Variants in ANO2 observed in about 807,000 individuals in gnomAD.
The protein encoded by ANO2 is anoctamin 2, also known as anoctamin-2.
In ANO2, 101 loss-of-function variants were observed where a neutral mutation model predicts 124.2. The ratio of observed to expected loss-of-function variants is 0.81; its 90% CI spans 0.69 to 0.96. ANO2 has a LOEUF of 0.96. ANO2 is among the 40% of genes least tolerant of loss of function. ANO2 has a pLI of 0.00. For synonymous variants in ANO2, 486 were observed against 482.5 expected, an observed-to-expected ratio of 1.01 and a Z score of -0.09; for missense variants, 1,293 against 1,274.5, an observed-to-expected ratio of 1.01 and a Z score of -0.22.
At chr12:5,615,471 C>A (rs1029124357) in intron 16 of ANO2, among the ~76,000 whole-genome samples, 174 bp from the exon 17 acceptor site, 1 of 152,128 alleles carries the variant, frequency 6.6e-6, no homozygotes, top group East Asian at 1.9e-4. Flanking sequence ...AGGTGGTCTG[C>A]CAGGTAATAC....
intron 1 of ANO2, among the ~76,000 whole-genome samples, chr12:5,937,189 G>C (rs1942684977): frequency 6.6e-6 from 1 of 152,030 alleles, no homozygotes. Context: ...AGTGTATAAG[G>C]GCTCCTTTTT....
At chr12:5,812,299 A>AAAG (rs142412551) in intron 7 of ANO2, among the ~76,000 whole-genome samples, 32,241 of 120,056 alleles carry the variant, frequency 0.27, 5,005 homozygotes, top group Non-Finnish European at 0.32. Context: ...CAGGGGAAAG[A>AAAG]AAGAAGAGGA....
chr12:5,634,458 G>C (rs780757260), intron 16 of ANO2, among the ~76,000 whole-genome samples: 4 of 152,152 alleles, frequency 2.6e-5, no homozygotes, highest in South Asian at 2.1e-4. Flanking sequence ...GATGAATCCA[G>C]GCCACCCAGA....
intron 20 of ANO2, among the ~76,000 whole-genome samples, chr12:5,598,934 A>G (rs978915209): frequency 2.0e-5 from 3 of 150,356 alleles, no homozygotes; most frequent in Non-Finnish European, 3.0e-5. Context: ...GCAACTAGAA[A>G]TACACCTCTC....
intron 3 of ANO2, among the ~76,000 whole-genome samples, chr12:5,873,239 CTCTCT>C (rs1937848115): frequency 5.5e-5 from 8 of 144,828 alleles, no homozygotes; most frequent in African/African-American, 2.1e-4. Flanking sequence ...CTCTCTCTCT[CTCTCT>C]CTGTCTGTCT....
At chr12:5,786,907 G>T (rs1404201817) in intron 10 of ANO2, among the ~76,000 whole-genome samples, 1 of 152,182 alleles carries the variant, frequency 6.6e-6, no homozygotes, top group East Asian at 1.9e-4. Flanking sequence ...CACACAAAGG[G>T]CATGGTAAAC....
chr12:5,790,026 G>A (rs902797295), intron 10 of ANO2, among the ~76,000 whole-genome samples: 19 of 152,178 alleles, frequency 1.2e-4, no homozygotes, highest in Non-Finnish European at 1.5e-5. Context: ...CGTGTCCCTG[G>A]TAACTCACAG....
intron 3 of ANO2, among the ~76,000 whole-genome samples, chr12:5,881,515 C>A (rs887923503): frequency 1.3e-5 from 2 of 152,122 alleles, no homozygotes; most frequent in African/African-American, 4.8e-5. Context: ...TCAGAAGGGG[C>A]AATATTGTAA....
chr12:5,623,500 T>C (rs1446786270), intron 16 of ANO2, among the ~76,000 whole-genome samples: 1 of 152,116 alleles, frequency 6.6e-6, no homozygotes, highest in African/African-American at 2.4e-5. Context: ...CTGCATCGTG[T>C]CATGAAAAAA....
intron 23 of ANO2, among the ~76,000 whole-genome samples, chr12:5,571,311 G>A (rs3782583): frequency 0.17 from 26,347 of 152,210 alleles, 2,686 homozygotes; most frequent in East Asian, 0.45. Context: ...TTGATGTCAC[G>A]GGACTGTTTA....
At chr12:5,902,218 C>T (rs1940266994) in intron 3 of ANO2, among the ~76,000 whole-genome samples, 1 of 152,112 alleles carries the variant, frequency 6.6e-6, no homozygotes, top group African/African-American at 2.4e-5. Context: ...TGCTTATTCA[C>T]TTTTTTAAAA....
At chr12:5,934,841 A>T (rs193267841) in intron 1 of ANO2, among the ~76,000 whole-genome samples, 55 of 152,244 alleles carry the variant, frequency 3.6e-4, no homozygotes, top group African/African-American at 1.2e-3. Flanking sequence ...TCCTGGGTGT[A>T]ACCAAGATTA....
intron 20 of ANO2, among the ~76,000 whole-genome samples, chr12:5,580,770 AG>A (rs1265215258): frequency 6.6e-6 from 1 of 152,252 alleles, no homozygotes; most frequent in Non-Finnish European, 1.5e-5. Flanking sequence ...CAGTTTGCTC[AG>A]CCCACAGTTG....
At chr12:5,893,939 G>T (rs141066652) in intron 3 of ANO2, among the ~76,000 whole-genome samples, 3,267 of 152,172 alleles carry the variant, frequency 0.021, 66 homozygotes, top group Non-Finnish European at 0.027. Context: ...CAATAGTGCT[G>T]CAATAAACAT....
chr12:5,852,290 C>CA (rs35526004), intron 4 of ANO2, among the ~76,000 whole-genome samples: 5 of 152,080 alleles, frequency 3.3e-5, no homozygotes, highest in Admixed American at 6.5e-5. Flanking sequence ...AACTAGGAGA[C>CA]AAAAAACGCA....
At chr12:5,567,361 TC>T (rs1941830543) in intron 23 of ANO2, among the ~76,000 whole-genome samples, 1 of 152,040 alleles carries the variant, frequency 6.6e-6, no homozygotes, top group Non-Finnish European at 1.5e-5. Context: ...AATAAGAACA[TC>T]TTGGGGTGGG....
chr12:5,898,503 C>T (rs955765930), intron 3 of ANO2, among the ~76,000 whole-genome samples: 1 of 152,186 alleles, frequency 6.6e-6, no homozygotes, highest in African/African-American at 2.4e-5. Context: ...ATCAACAGTA[C>T]AACAGACAAG....
chr12:5,903,676 T>TGG (rs33910793), intron 3 of ANO2, among the ~76,000 whole-genome samples: 21 of 149,696 alleles, frequency 1.4e-4, no homozygotes, highest in African/African-American at 4.8e-4. Flanking sequence ...TGTGTGTGTG[T>TGG]GGGTGTAGAC....
At chr12:5,802,151 C>T (rs955943326) in intron 9 of ANO2, among the ~76,000 whole-genome samples, 1 of 152,198 alleles carries the variant, frequency 6.6e-6, no homozygotes, top group African/African-American at 2.4e-5. Context: ...CCCTGTATGG[C>T]CTCAACGGAG....
Sources: gnomAD v4.1 joint callset for allele counts (sites outside exome capture counted in the v4.1 genomes callset) on GRCh38, gnomAD v4.1.1 for gene constraint, MANE v1.5 for transcripts, NCBI Gene and HGNC (gene_info 2026-07-23, HGNC 2026-07-21) for gene names.